Variants in C17orf75 observed in about 807,000 individuals in gnomAD.
The protein encoded by C17orf75 is chromosome 17 open reading frame 75.
In C17orf75, 32 loss-of-function variants were observed where a neutral mutation model predicts 49.6. The ratio of observed to expected loss-of-function variants is 0.65; its 90% CI spans 0.49 to 0.87. C17orf75 has a LOEUF of 0.87. C17orf75 is among the 40% of genes least tolerant of loss of function. The pLI is 0.00. For synonymous variants in C17orf75, 158 were observed against 159.5 expected (o/e 0.99, Z 0.07); for missense variants, 428 against 473.9 (o/e 0.90, Z 0.90).
intron 9 of C17orf75, 58 bp downstream of exon 9, chr17:32,333,359 C>T (rs2041294330): frequency 1.7e-6 from 2 of 1,210,932 alleles, no homozygotes; most frequent in Non-Finnish European, 1.2e-6. Flanking sequence ...GTCACTGGTA[C>T]TAATTAAAAT....
chr17:32,334,445 G>A (rs1192739103), intron 8 of C17orf75, 24 bp downstream of exon 8: 28 of 1,604,648 alleles, frequency 1.7e-5, no homozygotes, highest in East Asian at 2.2e-5. Flanking sequence ...ATGTAGGAAG[G>A]CTGCTTCAGA....
rs555932491 is a variant in C17orf75 at position 32,349,962 on chromosome 17, C to T, written c.-27G>A. 3.1e-4 allele frequency: 356 copies of T among 1,162,224 alleles called. 5 individuals are homozygous for T. The South Asian group carries it at 7.6e-3, about 25-fold the overall frequency. The allele number at this position is 1,162,224 out of a possible 1,614,324, so 72.0% of individuals were successfully genotyped here. ...CGTACCTGGGGCTCCGGCTCCTTTA[C>T]AAATGAAACCCAAAGTGCTCCGCAA... On this transcript the variant is annotated 5_prime_UTR_variant, in exon 1 of 9. Transcript: ENST00000583774.
intron 8 of C17orf75, 99 bp from the exon 9 acceptor site, chr17:32,333,619 G>C: frequency 9.5e-7 from 1 of 1,048,496 alleles, no homozygotes; most frequent in Non-Finnish European, 1.4e-6. Flanking sequence ...TGCCCGGCTG[G>C]AGTGCAGCCG....
chr17:32,342,164 T>C lies in C17orf75; in HGVS notation c.-25A>G. The C allele has an allele frequency of 1.3e-6, 2 of 1,560,196 alleles. No homozygotes were observed. Among genetic ancestry groups the C allele is most frequent in the Non-Finnish European group, 1.7e-6 (2 of 1,154,038 alleles). On this transcript the variant is annotated 5_prime_UTR_variant, in exon 1 of 10. Coordinates refer to ENST00000577809, the MANE Select transcript of C17orf75 (RefSeq NM_022344.4). ...TTGCGGCGGCCTCTGAGCGGCCCTG[T>C]GTCTCCGCCAAACCGCTCCCCTGCT... is the stretch of plus-strand genomic sequence containing the variant.
At chr17:32,339,690 G>C (rs2041360583) in intron 3 of C17orf75, 123 bp downstream of exon 3, 1 of 1,320,528 alleles carries the variant, frequency 7.6e-7, no homozygotes, top group Non-Finnish European at 1.0e-6. Context: ...CCAGTGCTCG[G>C]GCTGCCAGAG....
At position 32,342,067 on chromosome 17, in the gene C17orf75, C is replaced by G. The variant is rs1182608501; in HGVS notation, c.73G>C (p.Ala25Pro). 2 of 1,574,772 alleles carry G rather than the reference C, an allele frequency of 1.3e-6. No homozygotes were observed. The highest frequency in any genetic ancestry group is 3.7e-5 in the Admixed American group (2 of 53,668). Residue 25 changes from alanine (A) to proline (P), a missense_variant, in exon 1 of 10, where the codon GCC becomes CCC. Physicochemically the swap from Ala to Pro is conservative, Grantham distance 27. Coordinates refer to ENST00000577809, the MANE Select transcript of C17orf75 (RefSeq NM_022344.4). ...GGCGGCTCGAGTCTCCGCTCCTCGG[C>G]TGAGCCTCCCTCTTCGCTGCTCTCT... Reference protein sequence around the residue: ...ELESSEEGGSAEERRLEPPSS... With the variant: ...ELESSEEGGSPEERRLEPPSS...
chr17:32,338,461 GC>G, intron 3 of C17orf75, 110 bp from the exon 4 acceptor site: 1 of 1,059,518 alleles, frequency 9.4e-7, no homozygotes, highest in Non-Finnish European at 1.3e-6. Context: ...CCATTAAACT[GC>G]CCACTAACTC....
At chr17:32,338,715 G>A (rs965739356) in intron 3 of C17orf75, among the ~76,000 whole-genome samples, 3 of 152,120 alleles carry the variant, frequency 2.0e-5, no homozygotes, top group Admixed American at 2.0e-4. Flanking sequence ...GTGCCTGAAG[G>A]TGGCCTTATC....
At position 32,328,481 on chromosome 17, in the gene C17orf75, A is replaced by G. The variant is rs993476470; in HGVS notation, c.*3282T>C. The G allele has an allele frequency of 1.4e-4, 21 of 152,264 alleles. No homozygotes were observed. The highest frequency in any genetic ancestry group is 4.3e-4 in the African/African-American group (18 of 41,474). 9.4% of individuals were successfully genotyped at this position (152,264 alleles called of 1,614,324 possible). On this transcript the variant is annotated 3_prime_UTR_variant, in exon 10 of 10. Transcript: ENST00000577809. ...GTTTTATTATTATAATTACAAATTA[A>G]TTACAGAGAAACTGAAGCCATTCTT...
chr17:32,338,853 GGCCAAGGC>G (rs1388629601), intron 3 of C17orf75, among the ~76,000 whole-genome samples: 6 of 152,154 alleles, frequency 3.9e-5, no homozygotes, highest in African/African-American at 1.4e-4. Flanking sequence ...CACTTTGGGA[GGCCAAGGC>G]GGGTGAATCA....
In C17orf75 at chr17:32,342,093, A is replaced by C; in HGVS notation, c.47T>G (p.Leu16Arg). The change falls in exon 1 of 10, where the codon CTA becomes CGA. Residue 16 changes from leucine (L) to arginine (R), a missense_variant. Physicochemically the swap from Leu to Arg is moderately radical, Grantham distance 102. Transcript: ENST00000577809. ...QESMDGDEKE[L>R]ESSEEGGSAE... Reference sequence around the variant, plus strand: ...TGAGCCTCCCTCTTCGCTGCTCTCTAGTTCCTTTTCATCTCCATCCATCGA... The same window carrying C: ...TGAGCCTCCCTCTTCGCTGCTCTCTCGTTCCTTTTCATCTCCATCCATCGA... The C allele has an allele frequency of 6.3e-7, 1 of 1,598,570 alleles. No individual in the cohort carries two copies. Among genetic ancestry groups the C allele is most frequent in the Non-Finnish European group, 8.5e-7 (1 of 1,173,502 alleles).
At chr17:32,340,260 T>C (rs1252305118) in intron 2 of C17orf75, among the ~76,000 whole-genome samples, 2 of 152,214 alleles carry the variant, frequency 1.3e-5, no homozygotes, top group African/African-American at 4.8e-5. Context: ...CTTAATTCCA[T>C]GGTCAGTCAT....
At chr17:32,342,207 A>G (rs371306994), upstream of C17orf75, 22 of 1,433,444 alleles carry the variant, frequency 1.5e-5, no homozygotes, top group Non-Finnish European at 2.0e-5. Flanking sequence ...AGCCGTCGGT[A>G]TCAGGGCTCG....
upstream of C17orf75, among the ~76,000 whole-genome samples, chr17:32,344,414 G>A (rs1020090557): frequency 3.0e-4 from 45 of 151,974 alleles, no homozygotes; most frequent in Admixed American, 2.7e-3. Flanking sequence ...TCAGGAGATC[G>A]AGACCATCCT....
At chr17:32,332,156 CT>C (rs752976657) in intron 9 of C17orf75, among the ~76,000 whole-genome samples, 178 bp from the exon 10 acceptor site, 4 of 151,858 alleles carry the variant, frequency 2.6e-5, no homozygotes, top group Non-Finnish European at 4.4e-5. Flanking sequence ...AGAAAATCTC[CT>C]TTTTTTTCTT....
intron 1 of C17orf75, chr17:32,341,759 A>G: frequency 1.0e-6 from 1 of 1,002,568 alleles, no homozygotes; most frequent in Non-Finnish European, 1.2e-6. Context: ...GGGATGATAT[A>G]GGGGCAGATG....
At chr17:32,349,856 CTTTA>C (rs1308412607) in intron 1 of C17orf75, 15 of 939,142 alleles carry the variant, frequency 1.6e-5, no homozygotes, top group South Asian at 8.3e-5. Context: ...CTGTCTCTAT[CTTTA>C]TTTGTGATCG....
At chr17:32,348,867 C>CTTTTTTTTTTTT (rs561014138) in intron 1 of C17orf75, among the ~76,000 whole-genome samples, 1,798 of 108,684 alleles carry the variant, frequency 0.017, 64 homozygotes, top group Non-Finnish European at 0.02. Flanking sequence ...CAGCTCCAGT[C>CTTTTTTTTTTTT]TTTTTTTTTT....
upstream of C17orf75, chr17:32,342,373 A>G (rs1341771343): frequency 1.8e-6 from 1 of 545,634 alleles, no homozygotes; most frequent in African/African-American, 2.0e-5. Context: ...TTTTGAACTT[A>G]TTTTCCTTTG....
Sources: allele counts gnomAD v4.1 joint callset (sites outside exome capture counted in the v4.1 genomes callset), GRCh38; gene constraint gnomAD v4.1.1; transcripts MANE v1.5; gene names NCBI Gene and HGNC (gene_info 2026-07-23, HGNC 2026-07-21).